Variants in SLC35F1 observed in about 807,000 individuals in gnomAD.
SLC35F1 encodes the protein chromosome 6 open reading frame 169.
A neutral mutation model predicts 48.7 loss-of-function variants in SLC35F1; 14 were observed. That is an observed-to-expected ratio of 0.29 (90% CI 0.19 to 0.45). SLC35F1 has a LOEUF of 0.45. SLC35F1 is among the 20% of genes least tolerant of loss of function. The pLI is 1.00. For synonymous variants in SLC35F1, 190 were observed against 202.2 expected (o/e 0.94, Z 0.51); for missense variants, 404 against 500.0 (o/e 0.81, Z 1.83).
At chr6:118,066,743 T>C (rs1582646857) in intron 1 of SLC35F1, among the ~76,000 whole-genome samples, 1 of 150,168 alleles carries the variant, frequency 6.7e-6, no homozygotes, top group East Asian at 1.9e-4. Context: ...AGTAGTTCTT[T>C]TTTTTTTTTT....
chr6:118,218,090 C>T (rs756931994), intron 2 of SLC35F1, among the ~76,000 whole-genome samples: 4 of 152,042 alleles, frequency 2.6e-5, no homozygotes, highest in Non-Finnish European at 5.9e-5. Context: ...TTATAACATA[C>T]CATGGATGAG....
chr6:118,308,205 A>G (rs1242349052), intron 7 of SLC35F1, among the ~76,000 whole-genome samples: 12 of 152,324 alleles, frequency 7.9e-5, no homozygotes, highest in African/African-American at 2.6e-4. Flanking sequence ...TCTTCTTCCA[A>G]TTTAAACAGA....
intron 7 of SLC35F1, among the ~76,000 whole-genome samples, chr6:118,288,011 GT>G (rs55797932): frequency 0.082 from 11,947 of 145,256 alleles, 470 homozygotes; most frequent in Middle Eastern, 0.14. Context: ...AATGATTTGG[GT>G]TTTTTTTTTT....
intron 1 of SLC35F1, among the ~76,000 whole-genome samples, chr6:118,038,035 A>C (rs1389495248): frequency 6.6e-6 from 1 of 152,174 alleles, no homozygotes; most frequent in Non-Finnish European, 1.5e-5. Flanking sequence ...TTAAAGTAAA[A>C]TAAAAAAAAT....
chr6:118,280,531 A>G (rs1319382451), intron 6 of SLC35F1, among the ~76,000 whole-genome samples: 1 of 152,148 alleles, frequency 6.6e-6, no homozygotes, highest in Non-Finnish European at 1.5e-5. Context: ...CTCTCCCTGA[A>G]TATGGAATAA....
At chr6:118,293,065 G>C (rs1245779561) in intron 7 of SLC35F1, among the ~76,000 whole-genome samples, 2 of 152,114 alleles carry the variant, frequency 1.3e-5, no homozygotes, top group African/African-American at 4.8e-5. Context: ...TTTTCCATTG[G>C]AGGGTGTGCT....
chr6:118,004,472 G>A (rs1472611257), intron 1 of SLC35F1, among the ~76,000 whole-genome samples: 1 of 152,166 alleles, frequency 6.6e-6, no homozygotes, highest in Non-Finnish European at 1.5e-5. Context: ...GGAAAACAAA[G>A]TTCTAATCCT....
intron 1 of SLC35F1, among the ~76,000 whole-genome samples, chr6:117,962,114 G>C (rs1190053088): frequency 2.0e-5 from 3 of 152,108 alleles, no homozygotes; most frequent in African/African-American, 7.2e-5. Context: ...TCCATTTAAG[G>C]GTTTGAGTCC....
intron 1 of SLC35F1, among the ~76,000 whole-genome samples, chr6:118,049,163 G>A (rs1315121894): frequency 5.3e-5 from 8 of 152,254 alleles, no homozygotes; most frequent in East Asian, 3.9e-4. Flanking sequence ...CTAGCCAAAC[G>A]TAGAAAGCTG....
intron 1 of SLC35F1, among the ~76,000 whole-genome samples, chr6:117,950,606 A>G (rs1338972): frequency 0.99 from 151,447 of 152,312 alleles, 75,299 homozygotes; most frequent in Middle Eastern, 1. Flanking sequence ...GATGTGAATG[A>G]CAATGGCTCT....
chr6:118,126,065 T>C (rs1246729511), intron 1 of SLC35F1, among the ~76,000 whole-genome samples: 1 of 152,126 alleles, frequency 6.6e-6, no homozygotes, highest in African/African-American at 2.4e-5. Flanking sequence ...ACATATACAT[T>C]CAGAGATTTA....
intron 1 of SLC35F1, among the ~76,000 whole-genome samples, chr6:118,072,803 C>G (rs982691155): frequency 6.6e-6 from 1 of 152,094 alleles, no homozygotes; most frequent in African/African-American, 2.4e-5. Context: ...TTCACTGATT[C>G]ATTGAAAACA....
intron 2 of SLC35F1, among the ~76,000 whole-genome samples, chr6:118,195,248 G>A (rs1364591912): frequency 1.3e-5 from 2 of 152,160 alleles, no homozygotes; most frequent in Non-Finnish European, 1.5e-5. Flanking sequence ...TTTGGATCAG[G>A]ATAGTAACTA....
chr6:118,300,522 A>C (rs1019109635), intron 7 of SLC35F1, among the ~76,000 whole-genome samples: 3 of 152,198 alleles, frequency 2.0e-5, no homozygotes, highest in Admixed American at 2.0e-4. Flanking sequence ...CAATAAAGTT[A>C]TTTTCAGTTT....
At chr6:117,926,889 G>A (rs1486856099) in intron 1 of SLC35F1, among the ~76,000 whole-genome samples, 1 of 152,110 alleles carries the variant, frequency 6.6e-6, no homozygotes, top group East Asian at 1.9e-4. Flanking sequence ...CAGTTGCAGA[G>A]GAGAAATGGA....
rs1205986974 is a variant in SLC35F1, at chr6:118,140,890, A to C, written c.174-13555A>C. On this transcript the variant is annotated intron_variant, in intron 1 of 7. Transcript: ENST00000360388. ...ATAAGCTTATAGAATAAGTATATAA[A>C]GAAAATATTTTTCTATAGCTGTACA... 2.6e-5 allele frequency among the ~76,000 whole-genome samples: 4 copies of C among 152,228 alleles called. No homozygotes were observed. The East Asian group carries it at 7.7e-4, about 29-fold the overall frequency.
rs60098430 is a variant in SLC35F1, at chr6:118,115,713, A to C, written c.174-38732A>C. Among the ~76,000 whole-genome samples the C allele has an allele frequency of 5.0e-3, 763 of 152,312 alleles. 10 individuals carry two copies. The highest frequency in any genetic ancestry group is 0.017 in the African/African-American group (709 of 41,570). ...TACCCAGGTGCCACATAACTCTGGT[A>C]GCTTAATATGAAACTTGAACAAGTG... On this transcript the variant is annotated intron_variant, in intron 1 of 7. Transcript: ENST00000360388.
intron 2 of SLC35F1, among the ~76,000 whole-genome samples, chr6:118,215,941 G>A (rs546284015): frequency 4.6e-5 from 7 of 152,224 alleles, no homozygotes; most frequent in African/African-American, 1.7e-4. Flanking sequence ...CATTTGACAG[G>A]CAATGGCAGA....
chr6:118,114,396 C>T (rs1267025223), intron 1 of SLC35F1, among the ~76,000 whole-genome samples: 1 of 152,124 alleles, frequency 6.6e-6, no homozygotes, highest in East Asian at 1.9e-4. Flanking sequence ...GTACTGTGTT[C>T]TTTAGCTTCA....
Sources: gnomAD v4.1 joint callset for allele counts (sites outside exome capture counted in the v4.1 genomes callset) on GRCh38, gnomAD v4.1.1 for gene constraint, MANE v1.5 for transcripts, NCBI Gene and HGNC (gene_info 2026-07-23, HGNC 2026-07-21) for gene names.